Variants in MOV10L1 observed in about 807,000 individuals in gnomAD.
MOV10L1 encodes Mov10 like RNA helicase 1.
MOV10L1 carries 110 observed loss-of-function variants against 143.8 expected under a neutral mutation model. The ratio of observed to expected loss-of-function variants is 0.76; its 90% CI spans 0.66 to 0.90. The LOEUF is 0.90. Among genes scored for constraint, MOV10L1 ranks in the 40% least tolerant of loss-of-function variants. MOV10L1 has a pLI of 0.00. For missense variants in MOV10L1, 1,406 were observed against 1,526.8 expected, an observed-to-expected ratio of 0.92 and a Z score of 1.32; for synonymous variants, 593 against 581.1, an observed-to-expected ratio of 1.02 and a Z score of -0.29.
intron 3 of MOV10L1, among the ~76,000 whole-genome samples, chr22:50,102,815 C>T (rs917422537): frequency 2.0e-5 from 3 of 152,014 alleles, no homozygotes; most frequent in Admixed American, 6.6e-5. Flanking sequence ...GCAGGAGAAT[C>T]GCTTGAACCT....
chr22:50,142,911 G>A, intron 16 of MOV10L1, 132 bp from the exon 17 acceptor site: 1 of 740,898 alleles, frequency 1.3e-6, no homozygotes, highest in Non-Finnish European at 2.3e-6. Flanking sequence ...TCACACTGAA[G>A]AGCTACTCCC....
rs1342357670 is a variant in MOV10L1 at position 50,092,024 on chromosome 22, CG to C, written c.125del (p.Gly42ValfsTer3). ...AGGTGACACTAAGCTGAAAACTGTACGGGGTGTCGTGACAAGGTACTGCAGC... is the reference window on the plus strand; with the variant it reads ...AGGTGACACTAAGCTGAAAACTGTACGGGTGTCGTGACAAGGTACTGCAGC... ...AEGDTKLKTV[R>X]GVVTRYCSDY... On this transcript the variant is annotated frameshift_variant, in exon 2 of 27. Transcript: ENST00000262794. LOFTEE classifies it high-confidence loss of function. The C allele has an allele frequency of 6.2e-7, 1 of 1,613,746 alleles. No homozygotes were observed. The highest frequency in any genetic ancestry group is 1.1e-5 in the South Asian group (1 of 91,010).
In MOV10L1 at chr22:50,161,571, TG is replaced by T. The variant is rs1472193725; in HGVS notation, c.*126del. On this transcript the variant is annotated 3_prime_UTR_variant, in exon 27 of 27. Coordinates refer to ENST00000262794, the MANE Select transcript of MOV10L1 (RefSeq NM_018995.3). ...AGCCAGGCAGGGTCGTGTGTGGGTGTGGGGCTGCCAGGTTGGACGCAGCTGC... is the reference window on the plus strand; with the variant it reads ...AGCCAGGCAGGGTCGTGTGTGGGTGTGGGCTGCCAGGTTGGACGCAGCTGC... 3.0e-6 allele frequency: 3 copies of T among 996,994 alleles called. No homozygotes were observed. Among genetic ancestry groups the T allele is most frequent in the Non-Finnish European group, 4.3e-6 (3 of 692,064 alleles). 61.8% of individuals were successfully genotyped at this position (996,994 alleles called of 1,614,324 possible).
intron 5 of MOV10L1, chr22:50,109,743 G>T: frequency 5.9e-6 from 1 of 170,900 alleles, no homozygotes; most frequent in Non-Finnish European, 1.3e-5. Flanking sequence ...ACACGAGGTT[G>T]AAGCAGGAAG....
At chr22:50,122,789 A>AT (rs1272152147) in intron 10 of MOV10L1, among the ~76,000 whole-genome samples, 25 of 102,092 alleles carry the variant, frequency 2.4e-4, no homozygotes, top group South Asian at 9.8e-4. Context: ...TTATTTATTT[A>AT]TTTATTTATT....
intron 2 of MOV10L1, chr22:50,094,446 C>A (rs887844945): frequency 6.9e-6 from 1 of 144,708 alleles, no homozygotes; most frequent in African/African-American, 2.6e-5. Context: ...GTCACCCAGG[C>A]TGGAGTGCAG....
chr22:50,126,314 C>G, intron 12 of MOV10L1, 42 bp downstream of exon 12: 1 of 1,468,958 alleles, frequency 6.8e-7, no homozygotes. Flanking sequence ...TAGACACACC[C>G]TTCTGACCGG....
At chr22:50,138,955 G>GCCTCCCA in intron 15 of MOV10L1, among the ~76,000 whole-genome samples, 1 of 151,586 alleles carries the variant, frequency 6.6e-6, no homozygotes, top group South Asian at 2.1e-4. Flanking sequence ...GCCCACCTCA[G>GCCTCCCA]CCTCCCATAG....
At position 50,114,495 on chromosome 22, in the gene MOV10L1, T is replaced by C. The variant is rs759638263; in HGVS notation, c.999T>C (p.Ser333=). 7.4e-6 allele frequency: 12 copies of C among 1,614,234 alleles called. No homozygotes were observed. The South Asian group carries it at 1.3e-4, about 18-fold the overall frequency. ...LDKDQMCPVV[S]FVSVPEKENS... ...AAGACCAGATGTGCCCCGTGGTATC[T>C]TTTGTTTCTGTTCCTGAGAAGGAGA... The change falls in exon 7 of 27, where the codon TCT becomes TCC. Residue 333 remains serine (S), a synonymous_variant. Transcript: ENST00000262794.
chr22:50,134,961 A>G (rs1002119954), intron 15 of MOV10L1, among the ~76,000 whole-genome samples: 2 of 152,144 alleles, frequency 1.3e-5, no homozygotes, highest in Admixed American at 1.3e-4. Context: ...GGGGAAGCAA[A>G]GTACAGATGT....
rs371724678 is a variant in MOV10L1 at position 50,108,765 on chromosome 22, G to T, written c.664G>T (p.Val222Leu). 2.5e-6 allele frequency: 4 copies of T among 1,614,072 alleles called. No homozygotes were observed. Among genetic ancestry groups the T allele is most frequent in the African/African-American group, 2.7e-5 (2 of 74,912 alleles). The change falls in exon 5 of 27, where the codon GTG becomes TTG. Residue 222 changes from valine (V) to leucine (L), a missense_variant. Val to Leu is a conservative substitution (Grantham distance 32, BLOSUM62 1). Around this residue, in one of 3 missense-constraint regions of MOV10L1, gnomAD observed 1,233 missense variants for 1,351.4 expected, o/e 0.91. Coordinates refer to ENST00000262794, the MANE Select transcript of MOV10L1 (RefSeq NM_018995.3). The stretch of plus-strand genomic sequence containing the variant: ...TGGGTACACACCCCGGAGAGGTGAC[G>T]TGGTCAATGCAGTGGTGGTGGAGAG... ...PDGYTPRRGD[V>L]VNAVVVESSQ...
At chr22:50,111,486 C>CTTTTTTTTTTTT (rs529438045) in intron 5 of MOV10L1, among the ~76,000 whole-genome samples, 2 of 59,148 alleles carry the variant, frequency 3.4e-5, no homozygotes, top group Non-Finnish European at 6.4e-5. Flanking sequence ...TCTGTCTTTG[C>CTTTTTTTTTTTT]TTTTTTTTTT....
chr22:50,115,402 T>C (rs2062145325), intron 8 of MOV10L1, among the ~76,000 whole-genome samples, 156 bp downstream of exon 8: 1 of 151,952 alleles, frequency 6.6e-6, no homozygotes, highest in South Asian at 2.1e-4. Flanking sequence ...CCGCCTCTAC[T>C]AAAAATACAA....
chr22:50,145,820 G>C lies in MOV10L1; in HGVS notation c.2627+10G>C. 1 of 1,613,316 alleles carries C rather than the reference G, an allele frequency of 6.2e-7. No homozygotes were observed. Among genetic ancestry groups the C allele is most frequent in the Non-Finnish European group, 8.5e-7 (1 of 1,179,878 alleles). On this transcript the variant is annotated intron_variant, in intron 19 of 26. Coordinates refer to ENST00000262794, the MANE Select transcript of MOV10L1 (RefSeq NM_018995.3). ...ACCAAATAGGAGTGAGGTGAGCCCC[G>C]GGCATGGAGCGCGGCATGGGGCCTC...
chr22:50,146,519 C>T (rs759640343), intron 19 of MOV10L1, among the ~76,000 whole-genome samples: 5 of 152,236 alleles, frequency 3.3e-5, no homozygotes, highest in Non-Finnish European at 5.9e-5. Context: ...TGCATAGAGC[C>T]AGACAGTGTC....
At chr22:50,125,632 A>G (rs1215924107) in intron 11 of MOV10L1, 63 bp downstream of exon 11, 2 of 1,504,072 alleles carry the variant, frequency 1.3e-6, no homozygotes, top group South Asian at 1.2e-5. Context: ...TTGAGAGAAG[A>G]TACTCTTTAA....
intron 12 of MOV10L1, among the ~76,000 whole-genome samples, chr22:50,127,932 C>G (rs2062558715): frequency 6.6e-6 from 1 of 152,122 alleles, no homozygotes; most frequent in South Asian, 2.1e-4. Context: ...AGCACCACGC[C>G]TGGGTCCTTT....
rs758364053 is a variant in MOV10L1, at chr22:50,099,483, A to T, written c.323A>T (p.Asn108Ile). The T allele has an allele frequency of 6.2e-7, 1 of 1,614,040 alleles. No homozygotes were observed. Among genetic ancestry groups the T allele is most frequent in the East Asian group, 2.2e-5 (1 of 44,890 alleles). Reference protein sequence around the residue: ...VSDKWEDDSRNHGSPSDCGPR... With the variant: ...VSDKWEDDSRIHGSPSDCGPR... ...GATAAGTGGGAAGACGACAGCAGAAACCATGGGAGTCCCTCAGACTGCGGC... is the reference window on the plus strand; with the variant it reads ...GATAAGTGGGAAGACGACAGCAGAATCCATGGGAGTCCCTCAGACTGCGGC... Residue 108 changes from asparagine (N) to isoleucine (I), a missense_variant, in exon 3 of 27, where the codon AAC becomes ATC. Transcript: ENST00000262794.
At position 50,128,508 on chromosome 22, in the gene MOV10L1, G is replaced by A. The variant is rs762722513; in HGVS notation, c.1910+1G>A. ...TGGATGTGGAATTTACATATAATAG[G>A]TAATGCTTTTAGTGAGTCTTCTTTC... On this transcript the variant is annotated splice_donor_variant, in intron 13 of 26. Transcript: ENST00000262794. LOFTEE classifies it high-confidence loss of function. 2.3e-5 allele frequency: 30 copies of A among 1,329,324 alleles called. 1 individual carries two copies. The highest frequency in any genetic ancestry group is 3.1e-5 in the Non-Finnish European group (29 of 940,496). 82.3% of individuals were successfully genotyped at this position (1,329,324 alleles called of 1,614,324 possible). A position where few individuals can be genotyped will look rare whatever the true frequency, so the allele number is the denominator to read the frequency against.
Sources: gnomAD v4.1 joint callset for allele counts (sites outside exome capture counted in the v4.1 genomes callset) on GRCh38, gnomAD v4.1.1 for gene constraint, gnomAD v4.1.1 regional missense constraint, MANE v1.5 for transcripts, NCBI Gene and HGNC (gene_info 2026-07-23, HGNC 2026-07-21) for gene names.